The following FREM1 variants were observed in gnomAD, a reference collection of about 807,000 sequenced individuals.
FREM1 encodes FRAS1 related extracellular matrix 1.
FREM1 carries 220 observed loss-of-function variants against 210.1 expected under a neutral mutation model. That is an observed-to-expected ratio of 1.05 (90% CI 0.94 to 1.17). The LOEUF (loss-of-function observed/expected upper bound fraction) is 1.17, where lower values mean the gene tolerates loss of function less well. Ranked by LOEUF, FREM1 falls within the 50% of genes most tolerant of loss-of-function variation. The pLI, the probability that FREM1 is intolerant of heterozygous loss-of-function variation, is 0.00. For synonymous variants in FREM1, 1,189 were observed against 980.2 expected, an observed-to-expected ratio of 1.21 and a Z score of -3.98; for missense variants, 3,454 against 2,675.5, an observed-to-expected ratio of 1.29 and a Z score of -6.42.
At chr9:14,891,771 A>G (rs1836860808) in intron 1 of FREM1, among the ~76,000 whole-genome samples, 1 of 152,248 alleles carries the variant, frequency 6.6e-6, no homozygotes, top group Admixed American at 6.5e-5. Context: ...GAGAGAAAGA[A>G]TGTAGCATAG....
chr9:14,737,313 T>A lies in FREM1; in HGVS notation c.*83A>T. ...GTATACCCACTCAATCATAACAATT[T>A]GTTTTCTATGGAGCAATATTCACAG... On this transcript the variant is annotated 3_prime_UTR_variant, in exon 37 of 37. Transcript: ENST00000380880. The A allele has an allele frequency of 2.0e-6, 2 of 1,013,940 alleles. No homozygotes were observed. Among genetic ancestry groups the A allele is most frequent in the Non-Finnish European group, 2.9e-6 (2 of 687,742 alleles). The allele number at this position is 1,013,940 out of a possible 1,614,324, so 62.8% of individuals were successfully genotyped here.
rs759870876 is a variant in FREM1, at chr9:14,860,572, C to CATATATATATACACATAT, written c.330-1089_330-1088insATATGTGTATATATATAT. Among the ~76,000 whole-genome samples the CATATATATATACACATAT allele has an allele frequency of 1.1e-4, 10 of 88,004 alleles. 1 individual carries two copies. Among genetic ancestry groups the CATATATATATACACATAT allele is most frequent in the African/African-American group, 3.8e-4 (8 of 20,802 alleles). 57.7% of individuals were successfully genotyped at this position (88,004 alleles called of 152,430 possible). A position where few individuals can be genotyped will look rare whatever the true frequency, so the allele number is the denominator to read the frequency against. On this transcript the variant is annotated intron_variant, in intron 3 of 36. Transcript: ENST00000380880. ...ATATATATACACACATATATATACACATATATATACACATATATATACATA... is the reference window on the plus strand; with the variant it reads ...ATATATATACACACATATATATACACATATATATATACACATATATATATATACACATATATATACATA...
intron 25 of FREM1, among the ~76,000 whole-genome samples, chr9:14,771,446 G>A (rs140149546): frequency 6.6e-6 from 1 of 152,244 alleles, no homozygotes; most frequent in Admixed American, 6.5e-5. Flanking sequence ...TGAACAGGTG[G>A]ACCAGATTTG....
chr9:14,829,891 G>C (rs12378901), intron 10 of FREM1, among the ~76,000 whole-genome samples: 11 of 152,056 alleles, frequency 7.2e-5, no homozygotes, highest in African/African-American at 2.7e-4. Flanking sequence ...GAAGAAAAAG[G>C]GAGAATAAAA....
chr9:14,795,077 A>T (rs984671685), intron 21 of FREM1, among the ~76,000 whole-genome samples: 2 of 152,110 alleles, frequency 1.3e-5, no homozygotes, highest in African/African-American at 4.8e-5. Flanking sequence ...GCAGAAATGG[A>T]ACTCTTCCAA....
rs2818935 is a variant in FREM1, at chr9:14,835,930, T to G, written c.1881+5517A>C. On this transcript the variant is annotated intron_variant, in intron 10 of 36. Coordinates refer to ENST00000380880, the MANE Select transcript of FREM1 (RefSeq NM_001379081.2). ...TTTTGCCTACGTTTTAGACGAACCC[T>G]GCTTATTCCTGTGAATCAACTGGTG... is the stretch of plus-strand genomic sequence containing the variant. Among the ~76,000 whole-genome samples the G allele has an allele frequency of 2.6e-5, 4 of 152,066 alleles. No homozygotes were observed. The South Asian group carries it at 8.3e-4, about 31-fold the overall frequency.
At chr9:14,865,551 T>C (rs1242185468) in intron 2 of FREM1, among the ~76,000 whole-genome samples, 1 of 152,208 alleles carries the variant, frequency 6.6e-6, no homozygotes, top group Admixed American at 6.5e-5. Context: ...CACATGAAAC[T>C]GTTCATTACA....
chr9:14,842,392 A>G lies in FREM1; in HGVS notation c.1662T>C (p.Asp554=), dbSNP rs763046140. The change falls in exon 9 of 37, where the codon GAT becomes GAC. Residue 554 remains aspartate (D), a synonymous_variant. Coordinates refer to ENST00000380880, the MANE Select transcript of FREM1 (RefSeq NM_001379081.2). The stretch of plus-strand genomic sequence containing the variant: ...TTGTGATATTGAAGAAGATGTAGTC[A>G]TCACTGGCGTCCACATCTGAAGCTC... ...MLRASDVDAS[D]DYIFFNITKP... 9 of 1,613,480 alleles carry G rather than the reference A, an allele frequency of 5.6e-6. No homozygotes were observed. Among genetic ancestry groups the G allele is most frequent in the Non-Finnish European group, 6.8e-6 (8 of 1,179,394 alleles).
intron 5 of FREM1, among the ~76,000 whole-genome samples, chr9:14,851,837 A>G (rs1229424964): frequency 6.6e-6 from 1 of 152,132 alleles, no homozygotes; most frequent in Non-Finnish European, 1.5e-5. Flanking sequence ...GAAAACCAGT[A>G]TTTCTCGAGC....
intron 1 of FREM1, among the ~76,000 whole-genome samples, chr9:14,893,319 A>G (rs760839100): frequency 4.6e-5 from 7 of 152,204 alleles, no homozygotes; most frequent in Non-Finnish European, 8.8e-5. Context: ...TTGTCTTTCC[A>G]TATCTTTCTG....
chr9:14,851,492 A>G lies in FREM1; in HGVS notation c.944T>C (p.Leu315Ser). 2 of 1,614,022 alleles carry G rather than the reference A, an allele frequency of 1.2e-6. No homozygotes were observed. The highest frequency in any genetic ancestry group is 2.7e-5 in the African/African-American group (2 of 75,060). Residue 315 changes from leucine (L) to serine (S), a missense_variant, in exon 6 of 37, where the codon TTG becomes TCG. Coordinates refer to ENST00000380880, the MANE Select transcript of FREM1 (RefSeq NM_001379081.2). ...LEVDQFILTS[L>S]TTSVLDCEED... Reference sequence around the variant, plus strand: ...TTCACAGTCCAGAACTGATGTAGTCAAGGAGGTCAGGATGAACTGATCCAC... The same window carrying G: ...TTCACAGTCCAGAACTGATGTAGTCGAGGAGGTCAGGATGAACTGATCCAC...
intron 1 of FREM1, among the ~76,000 whole-genome samples, chr9:14,892,038 C>T (rs1285966546): frequency 6.6e-6 from 1 of 152,158 alleles, no homozygotes; most frequent in Non-Finnish European, 1.5e-5. Context: ...TCTATGGACT[C>T]ACCCTGAATT....
At chr9:14,864,789 A>G (rs533242465) in intron 2 of FREM1, among the ~76,000 whole-genome samples, 3 of 152,272 alleles carry the variant, frequency 2.0e-5, no homozygotes, top group African/African-American at 7.2e-5. Flanking sequence ...AGCCTCAAAC[A>G]TTTTCAGACA....
chr9:14,834,064 G>A (rs563272167), intron 10 of FREM1, among the ~76,000 whole-genome samples: 8 of 152,320 alleles, frequency 5.3e-5, no homozygotes, highest in African/African-American at 1.9e-4. Context: ...AGTTTTGGGA[G>A]TATCAGAAAT....
rs541724263 is a variant in FREM1 at position 14,808,247 on chromosome 9, G to A, written c.2894-113C>T. The A allele has an allele frequency of 8.4e-5, 53 of 631,488 alleles. No individual in the cohort carries two copies. The South Asian group carries it at 1.7e-3, about 21-fold the overall frequency. 39.1% of individuals were successfully genotyped at this position (631,488 alleles called of 1,614,324 possible). On this transcript the variant is annotated intron_variant, in intron 16 of 36. Coordinates refer to ENST00000380880, the MANE Select transcript of FREM1 (RefSeq NM_001379081.2). ...TGAAACAGCAAGGAAAAGAAGTTAT[G>A]TGGATAAAATAAATGTAAAACCCAA... is the stretch of plus-strand genomic sequence containing the variant.
Position 14,886,046 on chromosome 9 carries a change from A to AG in FREM1, c.-267-16803_-267-16802insC, listed in dbSNP as rs1409003186. On this transcript the variant is annotated intron_variant, in intron 1 of 36. Coordinates refer to ENST00000380880, the MANE Select transcript of FREM1 (RefSeq NM_001379081.2). ...ACCTTCTACTCTCTACTTCTATGAG[A>AG]ACAACTTTTTCACAACTTTAGGTCT... 5.5e-4 allele frequency among the ~76,000 whole-genome samples: 83 copies of AG among 152,246 alleles called. No homozygotes were observed. In the East Asian group the frequency reaches 0.016, roughly 29 times the overall value.
At chr9:14,871,574 G>T (rs1007611436) in intron 1 of FREM1, among the ~76,000 whole-genome samples, 2 of 152,088 alleles carry the variant, frequency 1.3e-5, no homozygotes, top group Non-Finnish European at 2.9e-5. Flanking sequence ...AAATGAGTAG[G>T]TTGCGAAAAT....
chr9:14,906,183 C>A (rs1486825673), intron 1 of FREM1, among the ~76,000 whole-genome samples: 1 of 152,124 alleles, frequency 6.6e-6, no homozygotes, highest in Non-Finnish European at 1.5e-5. Flanking sequence ...GTATCAATGA[C>A]CTCATTTTAC....
intron 5 of FREM1, among the ~76,000 whole-genome samples, chr9:14,855,637 A>G (rs1025951099): frequency 5.9e-5 from 9 of 152,134 alleles, no homozygotes; most frequent in Non-Finnish European, 8.8e-5. Context: ...TTTTCTTCTT[A>G]TCTTGCTTTC....
Sources: gnomAD v4.1 joint callset for allele counts (sites outside exome capture counted in the v4.1 genomes callset) on GRCh38, gnomAD v4.1.1 for gene constraint, MANE v1.5 for transcripts, NCBI Gene and HGNC (gene_info 2026-07-23, HGNC 2026-07-21) for gene names.